GCC1: variants seen among roughly 807,000 people sequenced by gnomAD.
GCC1 encodes the protein GRIP and coiled-coil domain-containing protein 1.
Under a neutral mutation model 62.5 loss-of-function variants are expected in GCC1, and 36 were observed. That is an observed-to-expected ratio of 0.58 (90% confidence interval 0.44 to 0.76). The LOEUF (loss-of-function observed/expected upper bound fraction) is 0.76. GCC1 is among the 30% of genes least tolerant of loss of function. The pLI is 0.00. For synonymous variants in GCC1, 391 were observed against 386.8 expected (o/e 1.01, Z -0.13); for missense variants, 885 against 948.3 (o/e 0.93, Z 0.88).
chr7:127,585,272 A>C lies in GCC1; in HGVS notation c.-90T>G. On this transcript the variant is annotated 5_prime_UTR_variant, in exon 1 of 2. Coordinates refer to ENST00000321407, the MANE Select transcript of GCC1 (RefSeq NM_024523.6). ...CAGGCGGGGGCTTAAAGAAACAGCG[A>C]GCGGGCTGTCCGGCGGCGGGCCGCA... The C allele has an allele frequency of 7.8e-7, 1 of 1,281,364 alleles. No homozygotes were observed. The highest frequency in any genetic ancestry group is 1.1e-6 in the Non-Finnish European group (1 of 933,820). The allele number at this position is 1,281,364 out of a possible 1,614,324, so 79.4% of individuals were successfully genotyped here.
chr7:127,581,735 C>T lies in GCC1; in HGVS notation c.*279G>A. ...ATCTTATTTTAAAACAGCCTTACCA[C>T]TGTTCCAACTTCTGCACTTCTCAGT... is the stretch of plus-strand genomic sequence containing the variant. On this transcript the variant is annotated 3_prime_UTR_variant, in exon 2 of 2. Transcript: ENST00000321407. 1 of 400,100 alleles carries T rather than the reference C, an allele frequency of 2.5e-6. No individual in the cohort carries two copies. The allele number at this position is 400,100 out of a possible 1,614,324, so 24.8% of individuals were successfully genotyped here. A position where few individuals can be genotyped will look rare whatever the true frequency, so the allele number is the denominator to read the frequency against.
At position 127,582,665 on chromosome 7, in the gene GCC1, C is replaced by T. The variant is rs147109145; in HGVS notation, c.1677G>A (p.Leu559=). ...ADDWKQELAR[L]QQLHRQELER... is the part of the protein sequence containing the mutation. ...CCAGCTCCTGCCGGTGGAGCTGCTGCAGCCGGGCCAGCTCCTGCTTCCAGT... is the reference window on the plus strand; with the variant it reads ...CCAGCTCCTGCCGGTGGAGCTGCTGTAGCCGGGCCAGCTCCTGCTTCCAGT... The change falls in exon 2 of 2, where the codon CTG becomes CTA. Residue 559 remains leucine (L), a synonymous_variant. Coordinates refer to ENST00000321407, the MANE Select transcript of GCC1 (RefSeq NM_024523.6). The surrounding 1 kb of genome is among the most constrained non-coding windows in gnomAD (Gnocchi z 4.8). 6.2e-6 allele frequency: 10 copies of T among 1,613,548 alleles called. No homozygotes were observed. In the African/African-American group the frequency reaches 1.1e-4, roughly 17 times the overall value.
At position 127,582,417 on chromosome 7, in the gene GCC1, G is replaced by A. The variant is rs776628895; in HGVS notation, c.1925C>T (p.Ala642Val). The part of the protein sequence containing the change: ...DTSSSDSLTQ[A>V]LQLAAANEPT... ...CTCATTGGCCGCTGCAAGTTGTAAT[G>A]CTTGGGTCAGGCTATCAGAGGATGA... Residue 642 changes from alanine to valine, a missense_variant, in exon 2 of 2, where the codon GCA (alanine) becomes GTA (valine). Physicochemically the swap from Ala to Val is moderately conservative, Grantham distance 64 (BLOSUM62 0). Transcript: ENST00000321407. This position sits in a 1 kb window ranked among gnomAD's most constrained non-coding sequence, Gnocchi z 4.8. The A allele has an allele frequency of 5.6e-6, 9 of 1,614,050 alleles. No individual in the cohort carries two copies. The Admixed American group carries it at 1.3e-4, about 24-fold the overall frequency.
chr7:127,584,965 T>C lies in GCC1; in HGVS notation c.218A>G (p.Gln73Arg), dbSNP rs199768150. ...HEADVGLAGVQLPGLTFPDSV... is the reference protein window; with the variant it reads ...HEADVGLAGVRLPGLTFPDSV... ...GTCAGGAAAGGTGAGGCCTGGAAGC[T>C]GGACACCTGCGAGGCCCACATCTGC... The change falls in exon 1 of 2, where the codon CAG (glutamine) becomes CGG (arginine). Residue 73 changes from glutamine to arginine, a missense_variant. Transcript: ENST00000321407. 19 of 1,614,072 alleles carry C rather than the reference T, an allele frequency of 1.2e-5. No individual in the cohort carries two copies. The highest frequency in any genetic ancestry group is 1.6e-4 in the Middle Eastern group (1 of 6,082).
rs773693668 is a variant in GCC1 at position 127,584,369 on chromosome 7, G to C, written c.814C>G (p.Arg272Gly). Residue 272 changes from arginine to glycine, a missense_variant, in exon 1 of 2, where the codon CGA becomes GGA. Physicochemically the swap from Arg to Gly is moderately radical, Grantham distance 125 (BLOSUM62 -2). Coordinates refer to ENST00000321407, the MANE Select transcript of GCC1 (RefSeq NM_024523.6). ...QDLELRLEET[R>G]EALAGRAYAA... Reference sequence around the variant, plus strand: ...TATGCTCGTCCTGCCAAGGCTTCTCGGGTCTCTTCTAACCTAAGCTCCAAG... The same window carrying C: ...TATGCTCGTCCTGCCAAGGCTTCTCCGGTCTCTTCTAACCTAAGCTCCAAG... 6.2e-7 allele frequency: 1 copy of C among 1,613,754 alleles called. No homozygotes were observed. Among genetic ancestry groups the C allele is most frequent in the South Asian group, 1.1e-5 (1 of 91,050 alleles).
Position 127,580,804 on chromosome 7 carries a change from A to G in GCC1, c.*1210T>C, listed in dbSNP as rs893647192. On this transcript the variant is annotated 3_prime_UTR_variant, in exon 2 of 2. Coordinates refer to ENST00000321407, the MANE Select transcript of GCC1 (RefSeq NM_024523.6). ...CTATGATGAAATCACAGAAAGATACATATTAGTCCAGTTAGTGGCCAAACA... is the reference window on the plus strand; with the variant it reads ...CTATGATGAAATCACAGAAAGATACGTATTAGTCCAGTTAGTGGCCAAACA... 6 of 152,222 alleles carry G rather than the reference A, an allele frequency of 3.9e-5. No individual in the cohort carries two copies. The highest frequency in any genetic ancestry group is 1.2e-4 in the African/African-American group (5 of 41,450). The allele number at this position is 152,222 out of a possible 1,614,324, so 9.4% of individuals were successfully genotyped here.
Position 127,585,447 on chromosome 7 carries a change from C to G in GCC1, c.-265G>C. On this transcript the variant is annotated 5_prime_UTR_variant, in exon 1 of 2. Transcript: ENST00000321407. ...GCACCAGAGGTGCGCACTGCCAGGG[C>G]TCGTTAGCGCTGGCCCAGAAGCCGC... The G allele has an allele frequency of 2.1e-6, 1 of 487,320 alleles. No homozygotes were observed. The highest frequency in any genetic ancestry group is 3.6e-6 in the Non-Finnish European group (1 of 274,182). 30.2% of individuals were successfully genotyped at this position (487,320 alleles called of 1,614,324 possible).
At position 127,584,935 on chromosome 7, in the gene GCC1, A is replaced by G. The variant is rs1347945518; in HGVS notation, c.248T>C (p.Val83Ala). Reference sequence around the variant, plus strand: ...GCTGTGAGTGGAGCACCGGTCATCCACAGAGTCAGGAAAGGTGAGGCCTGG... The same window carrying G: ...GCTGTGAGTGGAGCACCGGTCATCCGCAGAGTCAGGAAAGGTGAGGCCTGG... Reference protein sequence around the residue: ...QLPGLTFPDSVDDRCSTHSED... With the variant: ...QLPGLTFPDSADDRCSTHSED... The change falls in exon 1 of 2, where the codon GTG (valine) becomes GCG (alanine). Residue 83 changes from valine to alanine, a missense_variant. Transcript: ENST00000321407. 3 of 1,614,014 alleles carry G rather than the reference A, an allele frequency of 1.9e-6. No individual in the cohort carries two copies. In the African/African-American group the frequency reaches 4.0e-5, roughly 22 times the overall value.
rs746158991 is a variant in GCC1, at chr7:127,582,989, C to T, written c.1353G>A (p.Gln451=). The change falls in exon 2 of 2, where the codon CAG becomes CAA. Residue 451 remains glutamine, a synonymous_variant. Transcript: ENST00000321407. This position sits in a 1 kb window ranked among gnomAD's most constrained non-coding sequence, Gnocchi z 4.8. ...RLLQVAARKS[Q]VTLDVEKLCD... is the part of the protein sequence containing the mutation. The stretch of plus-strand genomic sequence containing the variant: ...AGAGCTTCTCCACATCCAGGGTCAC[C>T]TGGCTTTTCCTGGCCGCAACCTGCA... The T allele has an allele frequency of 1.9e-6, 3 of 1,614,166 alleles. No homozygotes were observed. The highest frequency in any genetic ancestry group is 3.3e-5 in the Admixed American group (2 of 60,014).
Position 127,583,060 on chromosome 7 carries a change from C to A in GCC1, c.1282G>T (p.Asp428Tyr), listed in dbSNP as rs767361349. 1.2e-6 allele frequency: 2 copies of A among 1,614,132 alleles called. 1 individual carries two copies. Among genetic ancestry groups the A allele is most frequent in the South Asian group, 2.2e-5 (2 of 91,078 alleles). Reference protein sequence around the residue: ...LDSHGEESSLDVNVLKDKMEK... With the variant: ...LDSHGEESSLYVNVLKDKMEK... ...ATCTTATCTTTCAGGACATTGACAT[C>A]CAGACTGGACTCCTCTCCATGGCTG... The change falls in exon 2 of 2, where the codon GAT (aspartate) becomes TAT (tyrosine). Residue 428 changes from aspartate (D) to tyrosine (Y), a missense_variant. Asp to Tyr is a radical substitution (Grantham distance 160). Transcript: ENST00000321407.
In GCC1 at chr7:127,584,347, G is replaced by C. The variant is rs985505358; in HGVS notation, c.836C>G (p.Ala279Gly). ...EETREALAGRAYAAEQMEGFE... is the reference protein window; with the variant it reads ...EETREALAGRGYAAEQMEGFE... ...TCCTTCCATCTGTTCAGCTGCATATGCTCGTCCTGCCAAGGCTTCTCGGGT... is the reference window on the plus strand; with the variant it reads ...TCCTTCCATCTGTTCAGCTGCATATCCTCGTCCTGCCAAGGCTTCTCGGGT... The change falls in exon 1 of 2, where the codon GCA (alanine) becomes GGA (glycine). Residue 279 changes from alanine to glycine, a missense_variant. Coordinates refer to ENST00000321407, the MANE Select transcript of GCC1 (RefSeq NM_024523.6). The C allele has an allele frequency of 6.2e-7, 1 of 1,613,822 alleles. No individual in the cohort carries two copies. Among genetic ancestry groups the C allele is most frequent in the Non-Finnish European group, 8.5e-7 (1 of 1,180,008 alleles).
Position 127,582,117 on chromosome 7 carries a change from G to A in GCC1, c.2225C>T (p.Thr742Ile). Residue 742 changes from threonine (T) to isoleucine (I), a missense_variant, in exon 2 of 2, where the codon ACT (threonine) becomes ATT (isoleucine). Coordinates refer to ENST00000321407, the MANE Select transcript of GCC1 (RefSeq NM_024523.6). The surrounding 1 kb of genome is among the most constrained non-coding windows in gnomAD (Gnocchi z 4.8). ...CAAGATAGTCAGTATGGCTGTGAGA[G>A]TCTGCTGGCGGCCCAGGGAGTCAGG... ...TLPDSLGRQQ[T>I]LTAILTILHF... 2 of 1,614,186 alleles carry A rather than the reference G, an allele frequency of 1.2e-6. No homozygotes were observed. Among genetic ancestry groups the A allele is most frequent in the South Asian group, 2.2e-5 (2 of 91,080 alleles).
Position 127,583,028 on chromosome 7 carries a change from C to T in GCC1, c.1314G>A (p.Lys438=), listed in dbSNP as rs34836950. The T allele has an allele frequency of 0.013, 21,669 of 1,614,142 alleles. 184 individuals are homozygous for T. Among genetic ancestry groups the T allele is most frequent in the Non-Finnish European group, 0.016 (18,534 of 1,180,024 alleles). Residue 438 remains lysine (K), a synonymous_variant, in exon 2 of 2, where the codon AAG becomes AAA. Transcript: ENST00000321407. ...CCGCAACCTGCAGCAGCCTCTTCAG[C>T]TTCTCCATCTTATCTTTCAGGACAT... The part of the protein sequence containing the change: ...DVNVLKDKME[K]LKRLLQVAAR...
rs1358501858 is a variant in GCC1 at position 127,585,349 on chromosome 7, T to G, written c.-167A>C. The G allele has an allele frequency of 2.9e-6, 2 of 698,380 alleles. No individual in the cohort carries two copies. The highest frequency in any genetic ancestry group is 2.8e-5 in the East Asian group (1 of 35,432). 43.3% of individuals were successfully genotyped at this position (698,380 alleles called of 1,614,324 possible). A position where few individuals can be genotyped will look rare whatever the true frequency, so the allele number is the denominator to read the frequency against. On this transcript the variant is annotated 5_prime_UTR_variant, in exon 1 of 2. Transcript: ENST00000321407. ...CCTAATGCGGAACGGCCGGACGGAC[T>G]GGCGAAAGCGGCCGCCCGGTCCCAG...
At position 127,585,019 on chromosome 7, in the gene GCC1, C is replaced by T. The variant is rs1449814080; in HGVS notation, c.164G>A (p.Ser55Asn). The T allele has an allele frequency of 3.7e-6, 6 of 1,614,112 alleles. No homozygotes were observed. Among genetic ancestry groups the T allele is most frequent in the Non-Finnish European group, 5.1e-6 (6 of 1,180,054 alleles). The change falls in exon 1 of 2, where the codon AGC becomes AAC. Residue 55 changes from serine to asparagine, a missense_variant. By Grantham distance (46) the Ser-to-Asn change is conservative. Transcript: ENST00000321407. ...GTGGGATACCGACAGCACCTTGATGCTGGCCTCTAATGCCTCTTTCTCCTT... is the reference window on the plus strand; with the variant it reads ...GTGGGATACCGACAGCACCTTGATGTTGGCCTCTAATGCCTCTTTCTCCTT... Reference protein sequence around the residue: ...LLKEKEALEASIKVLSVSHEA... With the variant: ...LLKEKEALEANIKVLSVSHEA...
Position 127,582,648 on chromosome 7 carries a change from T to G in GCC1, c.1694A>C (p.Gln565Pro). The change falls in exon 2 of 2, where the codon CAG (glutamine) becomes CCG (proline). Residue 565 changes from glutamine to proline, a missense_variant. Coordinates refer to ENST00000321407, the MANE Select transcript of GCC1 (RefSeq NM_024523.6). The surrounding 1 kb of genome is among the most constrained non-coding windows in gnomAD (Gnocchi z 4.8). ...GTCCAGCTGGCACCGCTCCAGCTCC[T>G]GCCGGTGGAGCTGCTGCAGCCGGGC... ...ELARLQQLHR[Q>P]ELERCQLDFR... The G allele has an allele frequency of 6.2e-7, 1 of 1,613,542 alleles. No homozygotes were observed. The highest frequency in any genetic ancestry group is 8.5e-7 in the Non-Finnish European group (1 of 1,180,028).
chr7:127,582,266 G>A lies in GCC1; in HGVS notation c.2076C>T (p.Gly692=), dbSNP rs753671181. The change falls in exon 2 of 2, where the codon GGC becomes GGT. Residue 692 remains glycine, a synonymous_variant. Coordinates refer to ENST00000321407, the MANE Select transcript of GCC1 (RefSeq NM_024523.6). The surrounding 1 kb of genome is among the most constrained non-coding windows in gnomAD (Gnocchi z 4.8). The stretch of plus-strand genomic sequence containing the variant: ...CTGCAACCTCCTCACGATGCCGTTC[G>A]CCCTCCTCCAGCAGCCGATCCTGCA... The part of the protein sequence containing the change: ...HQLQDRLLEE[G]ERHREEVAAL... The A allele has an allele frequency of 1.9e-5, 30 of 1,613,952 alleles. No homozygotes were observed. The highest frequency in any genetic ancestry group is 6.7e-5 in the African/African-American group (5 of 74,878).
chr7:127,585,274 C>A lies in GCC1; in HGVS notation c.-92G>T, dbSNP rs1243905148. The A allele has an allele frequency of 3.2e-6, 4 of 1,245,288 alleles. No individual in the cohort carries two copies. Among genetic ancestry groups the A allele is most frequent in the Middle Eastern group, 2.3e-4 (1 of 4,320 alleles). The allele number at this position is 1,245,288 out of a possible 1,614,324, so 77.1% of individuals were successfully genotyped here. ...GGCGGGGGCTTAAAGAAACAGCGAG[C>A]GGGCTGTCCGGCGGCGGGCCGCACA... is the stretch of plus-strand genomic sequence containing the variant. On this transcript the variant is annotated 5_prime_UTR_variant, in exon 1 of 2. Coordinates refer to ENST00000321407, the MANE Select transcript of GCC1 (RefSeq NM_024523.6).
chr7:127,583,434 AT>A, intron 1 of GCC1, 125 bp from the exon 2 acceptor site: 1 of 717,674 alleles, frequency 1.4e-6, no homozygotes, highest in Non-Finnish European at 2.3e-6. Context: ...CTAACTAGGG[AT>A]TTTTCGGTTG....
Sources: gnomAD v4.1 joint callset for allele counts on GRCh38, gnomAD v4.1.1 for gene constraint, Gnocchi (gnomAD v3.1) non-coding constraint, MANE v1.5 for transcripts, NCBI Gene and HGNC (gene_info 2026-07-23, HGNC 2026-07-21) for gene names.